IKBKB: variants seen among roughly 807,000 people sequenced by gnomAD.
IKBKB encodes the protein inhibitor of nuclear factor kappa-B kinase subunit beta.
IKBKB carries 42 observed loss-of-function variants against 113.6 expected under a neutral mutation model. The ratio of observed to expected loss-of-function variants is 0.37; its 90% CI spans 0.29 to 0.48. IKBKB has a LOEUF of 0.48. IKBKB is among the 20% of genes least tolerant of loss of function. The probability of loss-of-function intolerance (pLI) is 0.99; values close to 1 mark genes in which losing one functional copy is unlikely to be tolerated. For synonymous variants in IKBKB, 296 were observed against 361.3 expected (o/e 0.82, Z 2.05); for missense variants, 673 against 939.7 (o/e 0.72, Z 3.71).
intron 2 of IKBKB, among the ~76,000 whole-genome samples, chr8:42,283,191 C>G (rs760878946): frequency 6.6e-6 from 1 of 152,106 alleles, no homozygotes; most frequent in Non-Finnish European, 1.5e-5. Context: ...TGCAATTATC[C>G]AATTTGTAGC....
intron 4 of IKBKB, 71 bp from the exon 5 acceptor site, chr8:42,293,372 T>C: frequency 6.3e-7 from 1 of 1,596,436 alleles, no homozygotes; most frequent in African/African-American, 1.3e-5. Context: ...CATGGGCTGG[T>C]AAGAGACATG....
chr8:42,308,728 G>C (rs1411318462), intron 7 of IKBKB, among the ~76,000 whole-genome samples, 173 bp from the exon 8 acceptor site: 1 of 152,176 alleles, frequency 6.6e-6, no homozygotes, highest in African/African-American at 2.4e-5. Context: ...TCTTAGAAAT[G>C]GTAGCATGAT....
Position 42,308,956 on chromosome 8 carries a change from T to TTC in IKBKB, c.623_624insTC (p.Gly209ProfsTer42). On this transcript the variant is annotated frameshift_variant, in exon 8 of 22. Transcript: ENST00000520810. LOFTEE classifies it high-confidence loss of function. ...ACAGTGACCGTCGACTACTGGAGCT[T>TTC]CGGCACCCTGGCCTTTGAGTGCATC... 1 of 1,614,180 alleles carries TTC rather than the reference T, an allele frequency of 6.2e-7. No individual in the cohort carries two copies. The highest frequency in any genetic ancestry group is 8.5e-7 in the Non-Finnish European group (1 of 1,180,016).
chr8:42,313,445 T>A (rs571574538), intron 8 of IKBKB, among the ~76,000 whole-genome samples: 18 of 151,784 alleles, frequency 1.2e-4, no homozygotes, highest in Admixed American at 2.0e-4. Flanking sequence ...AAAAAAAAAA[T>A]TTTTTTACCT....
chr8:42,272,995 A>T (rs534684356), intron 2 of IKBKB, among the ~76,000 whole-genome samples: 1 of 150,014 alleles, frequency 6.7e-6, no homozygotes, highest in African/African-American at 2.5e-5. Flanking sequence ...CTGTAGTCCC[A>T]CTACATTGGA....
chr8:42,311,050 T>C (rs942333419), intron 8 of IKBKB, among the ~76,000 whole-genome samples: 1 of 152,196 alleles, frequency 6.6e-6, no homozygotes, highest in African/African-American at 2.4e-5. Context: ...AATAACAGAT[T>C]AAAGAGTTTG....
intron 2 of IKBKB, among the ~76,000 whole-genome samples, chr8:42,275,305 G>A (rs11987187): frequency 0.25 from 38,114 of 151,544 alleles, 9,644 homozygotes; most frequent in African/African-American, 0.66. Flanking sequence ...CTTCTGCCTC[G>A]GCCTCCTGAG....
intron 20 of IKBKB, among the ~76,000 whole-genome samples, chr8:42,328,128 G>A (rs1821160511): frequency 7.1e-6 from 1 of 141,658 alleles, no homozygotes; most frequent in Non-Finnish European, 1.5e-5. Flanking sequence ...ATTTTTATTA[G>A]AGACAGGGTT....
In IKBKB at chr8:42,316,130, T is replaced by C; in HGVS notation, c.801-80T>C. ...CAATCACCGTCTACTGGCTGCCGTCTGTGTGTATACTGGGAGACGCACACT... is the reference window on the plus strand; with the variant it reads ...CAATCACCGTCTACTGGCTGCCGTCCGTGTGTATACTGGGAGACGCACACT... On this transcript the variant is annotated intron_variant, in intron 9 of 21. Coordinates refer to ENST00000520810, the MANE Select transcript of IKBKB (RefSeq NM_001556.3). The surrounding 1 kb of genome is among the most constrained non-coding windows in gnomAD (Gnocchi z 4.5). 1 of 1,488,092 alleles carries C rather than the reference T, an allele frequency of 6.7e-7. No homozygotes were observed. Among genetic ancestry groups the C allele is most frequent in the Non-Finnish European group, 9.2e-7 (1 of 1,088,804 alleles). 92.2% of individuals were successfully genotyped at this position (1,488,092 alleles called of 1,614,324 possible). A position where few individuals can be genotyped will look rare whatever the true frequency, so the allele number is the denominator to read the frequency against.
In IKBKB at chr8:42,303,524, G is replaced by A. The variant is rs1029034446; in HGVS notation, c.389-1663G>A. Among the ~76,000 whole-genome samples the A allele has an allele frequency of 5.4e-5, 8 of 148,922 alleles. No homozygotes were observed. In the East Asian group the frequency reaches 1.6e-3, roughly 29 times the overall value. ...CTTTTTCTTTTTCTTTTTTTTTTTA[G>A]GTAGAGTCTTACTCTGTCACCCAGG... On this transcript the variant is annotated intron_variant, in intron 5 of 21. Coordinates refer to ENST00000520810, the MANE Select transcript of IKBKB (RefSeq NM_001556.3).
rs572918490 is a variant in IKBKB, at chr8:42,329,565, T to C, written c.2205+351T>C. On this transcript the variant is annotated intron_variant, in intron 21 of 21. Coordinates refer to ENST00000520810, the MANE Select transcript of IKBKB (RefSeq NM_001556.3). ...TAATAATAGTGATGTCTAACAATTA[T>C]TGAAGGCTTACAACTACATGTATGC... The C allele has an allele frequency of 1.3e-3, 1,168 of 911,568 alleles. 9 individuals are homozygous for C. In the South Asian group the frequency reaches 0.018, roughly 14 times the overall value. The allele number at this position is 911,568 out of a possible 1,614,324, so 56.5% of individuals were successfully genotyped here.
At chr8:42,291,867 G>A (rs1812719946) in intron 4 of IKBKB, among the ~76,000 whole-genome samples, 1 of 152,184 alleles carries the variant, frequency 6.6e-6, no homozygotes, top group African/African-American at 2.4e-5. Flanking sequence ...GGGAGGTTGA[G>A]GCTACGGTGA....
chr8:42,310,316 T>C (rs1387456984), intron 8 of IKBKB, among the ~76,000 whole-genome samples: 1 of 152,226 alleles, frequency 6.6e-6, no homozygotes, highest in Non-Finnish European at 1.5e-5. Flanking sequence ...AGTGAAGTCA[T>C]ACCAGCCTCC....
At chr8:42,325,681 A>G (rs912488565) in intron 19 of IKBKB, 3 of 1,162,574 alleles carry the variant, frequency 2.6e-6, no homozygotes, top group South Asian at 4.1e-5. Flanking sequence ...CTCAATCATA[A>G]TCAATCAGTA....
chr8:42,305,571 C>T (rs1816340347), intron 6 of IKBKB, among the ~76,000 whole-genome samples: 2 of 150,362 alleles, frequency 1.3e-5, no homozygotes, highest in African/African-American at 5.0e-5. Flanking sequence ...TCTTGGAAGT[C>T]GACTTTTTGT....
At chr8:42,291,960 A>G (rs867364125) in intron 4 of IKBKB, among the ~76,000 whole-genome samples, 4 of 152,126 alleles carry the variant, frequency 2.6e-5, no homozygotes, top group African/African-American at 9.7e-5. Flanking sequence ...GTCTCAGAAC[A>G]AAGAGACAGA....
intron 9 of IKBKB, among the ~76,000 whole-genome samples, chr8:42,314,740 A>C (rs1454334097): frequency 6.6e-6 from 1 of 151,464 alleles, no homozygotes; most frequent in East Asian, 1.9e-4. Context: ...GTGCCACTGT[A>C]CTGCAGCCTG....
intron 15 of IKBKB, 183 bp from the exon 16 acceptor site, chr8:42,320,552 A>G: frequency 1.9e-6 from 1 of 536,984 alleles, no homozygotes. Context: ...TCACACAGCT[A>G]GAAAGCGGTG....
At chr8:42,329,302 ATCC>A (rs1228209573) in intron 21 of IKBKB, 88 bp downstream of exon 21, 2 of 1,460,324 alleles carry the variant, frequency 1.4e-6, no homozygotes, top group African/African-American at 2.9e-5. Context: ...ATCTGGCATT[ATCC>A]TCAACCTCAG....
Sources: gnomAD v4.1 joint callset for allele counts (sites outside exome capture counted in the v4.1 genomes callset) on GRCh38, gnomAD v4.1.1 for gene constraint, Gnocchi (gnomAD v3.1) non-coding constraint, MANE v1.5 for transcripts, NCBI Gene and HGNC (gene_info 2026-07-23, HGNC 2026-07-21) for gene names.